Variants in SON observed in about 807,000 individuals in gnomAD.
SON encodes the protein protein SON.
Under a neutral mutation model 173.3 loss-of-function variants are expected in SON, and 4 were observed. The ratio of observed to expected loss-of-function variants is 0.02; its 90% CI spans 0.01 to 0.05. The LOEUF is 0.05. SON is among the 10% of genes least tolerant of loss of function. The pLI, the probability that SON is intolerant of heterozygous loss-of-function variation, is 1.00. For missense variants in SON, 2,626 were observed against 3,055.3 expected (o/e 0.86, Z 3.31); for synonymous variants, 1,190 against 1,105.9 (o/e 1.08, Z -1.51).
chr21:33,551,334 A>G lies in SON; in HGVS notation c.2103A>G (p.Val701=), dbSNP rs1166625730. The G allele has an allele frequency of 2.1e-5, 34 of 1,613,998 alleles. No individual in the cohort carries two copies. The highest frequency in any genetic ancestry group is 2.8e-5 in the Non-Finnish European group (33 of 1,179,992). ...CTACATTAGTGGGGGAGACTTCTGT[A>G]ACAGTAGGAGTGGATCCCTTGATGG... ...LPTTLVGETS[V]TVGVDPLMAP... is the part of the protein sequence containing the mutation. The change falls in exon 3 of 12, where the codon GTA becomes GTG. Residue 701 remains valine (V), a synonymous_variant. Transcript: ENST00000356577.
At chr21:33,573,872 G>T (rs74275627) in intron 9 of SON, among the ~76,000 whole-genome samples, 2 of 16 alleles carry the variant, frequency 0.12, no homozygotes, top group East Asian at 0.33. Context: ...TTACAATACT[G>T]GTTTAGTCTA....
At chr21:33,560,776 T>G (rs1361636797) in intron 6 of SON, 1 of 243,764 alleles carries the variant, frequency 4.1e-6, no homozygotes, top group African/African-American at 2.3e-5. Flanking sequence ...GCCCTTGGTT[T>G]CCAAAGCCCA....
At chr21:33,562,551 G>A (rs1183692367) in intron 6 of SON, among the ~76,000 whole-genome samples, 3 of 152,100 alleles carry the variant, frequency 2.0e-5, no homozygotes, top group Non-Finnish European at 4.4e-5. Flanking sequence ...TTTGACATGA[G>A]TATGAATGGA....
In SON at chr21:33,553,656, A is replaced by G; in HGVS notation, c.4425A>G (p.Glu1475=). The G allele has an allele frequency of 6.2e-7, 1 of 1,612,904 alleles. No homozygotes were observed. The highest frequency in any genetic ancestry group is 8.5e-7 in the Non-Finnish European group (1 of 1,178,882). The part of the protein sequence containing the change: ...VAIESTPMIL[E]SSIMSSHVMK... ...TAGAGTCCACACCAATGATACTGGA[A>G]TCTAGTATCATGTCATCACATGTTA... Residue 1475 remains glutamate, a synonymous_variant, in exon 3 of 12, where the codon GAA becomes GAG. Transcript: ENST00000356577.
intron 1 of SON, among the ~76,000 whole-genome samples, 155 bp from the exon 2 acceptor site, chr21:33,546,058 C>G (rs2085605996): frequency 6.6e-6 from 1 of 152,072 alleles, no homozygotes; most frequent in Non-Finnish European, 1.5e-5. Flanking sequence ...ATAAGTAGAT[C>G]ATGGTAAGAA....
At chr21:33,567,316 C>A in intron 7 of SON, 49 bp downstream of exon 7, 1 of 1,019,120 alleles carries the variant, frequency 9.8e-7, no homozygotes, top group Non-Finnish European at 1.6e-6. Flanking sequence ...TCAGCCAACT[C>A]ACACCAATGT....
intron 8 of SON, chr21:33,569,360 C>T (rs770219060): frequency 8.0e-5 from 31 of 385,642 alleles, no homozygotes; most frequent in African/African-American, 1.3e-4. Flanking sequence ...TTATTTTGAA[C>T]GCTAATAGTG....
chr21:33,557,059 C>T, intron 3 of SON, 97 bp from the exon 4 acceptor site: 4 of 1,063,924 alleles, frequency 3.8e-6, no homozygotes, highest in South Asian at 3.7e-5. Flanking sequence ...TTCGATGGAT[C>T]TAGGATGCCT....
chr21:33,555,632 T>C (rs2085952195), intron 3 of SON, among the ~76,000 whole-genome samples: 1 of 152,190 alleles, frequency 6.6e-6, no homozygotes. Flanking sequence ...ATTTGAATGT[T>C]TTATTTTGTT....
Position 33,576,456 on chromosome 21 carries a change from C to T in SON, c.*32C>T. On this transcript the variant is annotated 3_prime_UTR_variant, in exon 12 of 12. Transcript: ENST00000356577. ...GAAGCGCTTACCAGCCCAGCTTTGC[C>T]AGCCCTAATAAGAAGCATGCTAAAG... 3.6e-6 allele frequency: 5 copies of T among 1,374,990 alleles called. No homozygotes were observed. Among genetic ancestry groups the T allele is most frequent in the Non-Finnish European group, 4.2e-6 (4 of 961,688 alleles). 85.2% of individuals were successfully genotyped at this position (1,374,990 alleles called of 1,614,324 possible). A position where few individuals can be genotyped will look rare whatever the true frequency, so the allele number is the denominator to read the frequency against.
intron 6 of SON, chr21:33,560,115 C>T: frequency 6.2e-7 from 1 of 1,612,512 alleles, no homozygotes; most frequent in Non-Finnish European, 8.5e-7. Flanking sequence ...CTCTATAGCT[C>T]TAGATTTTGG....
chr21:33,546,713 G>A (rs974624703), intron 2 of SON: 21 of 176,192 alleles, frequency 1.2e-4, no homozygotes, highest in South Asian at 9.1e-4. Flanking sequence ...CCCAGGAGGC[G>A]AATGTTGCAG....
At chr21:33,565,703 A>G (rs73900351) in intron 6 of SON, among the ~76,000 whole-genome samples, 195 of 152,340 alleles carry the variant, frequency 1.3e-3, no homozygotes, top group African/African-American at 4.4e-3. Flanking sequence ...CAGTTGAGAG[A>G]TTCAATTTGA....
rs35622138 is a variant in SON, at chr21:33,550,648, C to T, written c.1417C>T (p.Pro473Ser). The change falls in exon 3 of 12, where the codon CCT (proline) becomes TCT (serine). Residue 473 changes from proline (P) to serine (S), a missense_variant. Around this residue, in one of 13 missense-constraint regions of SON, gnomAD observed 757 missense variants for 730.1 expected, o/e 1.04. Transcript: ENST00000356577. ...LEPPQEVPEP[P>S]VMAQELPGLP... is the part of the protein sequence containing the mutation. ...GCCACCACAGGAGGTACCAGAGCCA[C>T]CTGTGATGGCACAGGAGTTGCCAGG... 6.2e-7 allele frequency: 1 copy of T among 1,613,708 alleles called. No homozygotes were observed. Among genetic ancestry groups the T allele is most frequent in the Non-Finnish European group, 8.5e-7 (1 of 1,179,898 alleles).
At chr21:33,543,314 C>T (rs2085505591) in intron 1 of SON, 145 bp downstream of exon 1, 7 of 641,302 alleles carry the variant, frequency 1.1e-5, no homozygotes, top group African/African-American at 1.9e-5. Context: ...ATTTTCCGGG[C>T]CCCCCCCAAC....
At position 33,553,701 on chromosome 21, in the gene SON, C is replaced by T. The variant is rs149461471; in HGVS notation, c.4470C>T (p.Ser1490=). The stretch of plus-strand genomic sequence containing the variant: ...ATGTTATGAAAGGAATTAATCTATC[C>T]TCTGGTGATCAAAATCTTGCTCCAG... The part of the protein sequence containing the change: ...SSHVMKGINL[S]SGDQNLAPEI... The change falls in exon 3 of 12, where the codon TCC becomes TCT. Residue 1490 remains serine (S), a synonymous_variant. Coordinates refer to ENST00000356577, the MANE Select transcript of SON (RefSeq NM_138927.4). 4.3e-6 allele frequency: 7 copies of T among 1,613,978 alleles called. No individual in the cohort carries two copies. The highest frequency in any genetic ancestry group is 2.2e-5 in the South Asian group (2 of 91,064).
chr21:33,563,235 T>G (rs2086101925), intron 6 of SON, among the ~76,000 whole-genome samples: 1 of 152,138 alleles, frequency 6.6e-6, no homozygotes, highest in African/African-American at 2.4e-5. Context: ...GGTTATCTAT[T>G]TGTTTTCCCG....
rs2085492669 is a variant in SON at position 33,543,039 on chromosome 21, T to C, written c.-54T>C. The C allele has an allele frequency of 1.3e-6, 2 of 1,560,586 alleles. No homozygotes were observed. Among genetic ancestry groups the C allele is most frequent in the Non-Finnish European group, 1.8e-6 (2 of 1,131,098 alleles). On this transcript the variant is annotated 5_prime_UTR_variant, in exon 1 of 12. An upstream start codon of the reference 5' UTR is lost. Transcript: ENST00000356577. ...GGCCCGTGCGCCTCCTCCCGAGGCA[T>C]GCTGGGAGCCTGGAGGACTAGCGAG... is the stretch of plus-strand genomic sequence containing the variant.
In SON at chr21:33,562,407, A is replaced by G. The variant is rs554879757; in HGVS notation, c.6657+2632A>G. Reference sequence around the variant, plus strand: ...ATGCCTTTTTCATTTTAATAAATATAAATGGAGTTTGTGGTTCTTTGTTGT... The same window carrying G: ...ATGCCTTTTTCATTTTAATAAATATGAATGGAGTTTGTGGTTCTTTGTTGT... On this transcript the variant is annotated intron_variant, in intron 6 of 11. Transcript: ENST00000356577. Among the ~76,000 whole-genome samples the G allele has an allele frequency of 5.3e-5, 8 of 152,194 alleles. No homozygotes were observed. The South Asian group carries it at 1.7e-3, about 31-fold the overall frequency.
Sources: allele counts gnomAD v4.1 joint callset (sites outside exome capture counted in the v4.1 genomes callset), GRCh38; gene constraint gnomAD v4.1.1; regional missense constraint gnomAD v4.1.1; transcripts MANE v1.5; gene names NCBI Gene and HGNC (gene_info 2026-07-23, HGNC 2026-07-21).